MERTK: variants seen among roughly 807,000 people sequenced by gnomAD.
MERTK encodes tyrosine-protein kinase Mer.
A neutral mutation model predicts 99.3 loss-of-function variants in MERTK; 69 were observed. The ratio of observed to expected loss-of-function variants is 0.70; its 90% CI spans 0.57 to 0.85. The LOEUF is 0.85. Ranked by LOEUF, MERTK falls within the 40% of genes least tolerant of loss-of-function variation. The probability of loss-of-function intolerance (pLI) is 0.00; values close to 1 mark genes in which losing one functional copy is unlikely to be tolerated. For missense variants in MERTK, 1,125 were observed against 1,249.4 expected, an observed-to-expected ratio of 0.90 and a Z score of 1.50; for synonymous variants, 426 against 467.6, an observed-to-expected ratio of 0.91 and a Z score of 1.15.
chr2:111,989,018 T>A (rs1200918423), intron 8 of MERTK, among the ~76,000 whole-genome samples: 1 of 152,132 alleles, frequency 6.6e-6, no homozygotes, highest in Non-Finnish European at 1.5e-5. Flanking sequence ...AGATGCTGGG[T>A]AACTGCCGCA....
intron 1 of MERTK, among the ~76,000 whole-genome samples, chr2:111,923,504 G>C (rs1684503056): frequency 6.6e-6 from 1 of 152,190 alleles, no homozygotes; most frequent in Non-Finnish European, 1.5e-5. Flanking sequence ...GCTACTCTGG[G>C]ACCTGAGTGG....
intron 1 of MERTK, among the ~76,000 whole-genome samples, chr2:111,924,822 T>A (rs1255006634): frequency 6.6e-6 from 1 of 152,156 alleles, no homozygotes; most frequent in East Asian, 1.9e-4. Flanking sequence ...CCTTTGACCC[T>A]GGCAGCCCCA....
chr2:111,932,295 C>T (rs1684688051), intron 2 of MERTK, among the ~76,000 whole-genome samples: 1 of 152,162 alleles, frequency 6.6e-6, no homozygotes. Flanking sequence ...CATTCTCCTG[C>T]CTCAGCCTCC....
At chr2:111,950,697 T>TG (rs1236563000) in intron 4 of MERTK, among the ~76,000 whole-genome samples, 1 of 152,230 alleles carries the variant, frequency 6.6e-6, no homozygotes, top group Admixed American at 6.5e-5. Context: ...TGTCTCTTCT[T>TG]GTGCTTATTA....
At chr2:111,904,820 A>G (rs1183263481) in intron 1 of MERTK, among the ~76,000 whole-genome samples, 1 of 152,096 alleles carries the variant, frequency 6.6e-6, no homozygotes, top group African/African-American at 2.4e-5. Context: ...TCTTGTAGGA[A>G]ATGCAAAGGG....
chr2:111,913,123 A>G (rs1437889644), intron 1 of MERTK: 2 of 967,814 alleles, frequency 2.1e-6, no homozygotes, highest in Non-Finnish European at 2.5e-6. Flanking sequence ...GATATTGAAC[A>G]TAGATTTGTA....
Position 111,949,908 on chromosome 2 carries a change from C to T in MERTK, c.757+2341C>T, listed in dbSNP as rs1044695333. On this transcript the variant is annotated intron_variant, in intron 4 of 18. Coordinates refer to ENST00000295408, the MANE Select transcript of MERTK (RefSeq NM_006343.3). ...CAACATGATATCTTTGAGATTCATC[C>T]ATGATGTTTTATCACTAGTACATCA... Among the ~76,000 whole-genome samples, 5 of 152,142 alleles carry T rather than the reference C, an allele frequency of 3.3e-5. No homozygotes were observed. In the South Asian group the frequency reaches 1.0e-3, roughly 32 times the overall value.
chr2:111,905,554 A>G (rs1402455985), intron 1 of MERTK, among the ~76,000 whole-genome samples: 1 of 147,584 alleles, frequency 6.8e-6, no homozygotes, highest in African/African-American at 2.5e-5. Context: ...CCAGGGTTCA[A>G]CCTCCTGGGT....
intron 2 of MERTK, chr2:111,940,338 T>C: frequency 2.5e-5 from 13 of 514,330 alleles, no homozygotes; most frequent in South Asian, 2.0e-4. Flanking sequence ...GGTCTGTCCT[T>C]GCATCAGCAA....
At chr2:111,926,329 G>C (rs985262944) in intron 1 of MERTK, among the ~76,000 whole-genome samples, 1 of 152,162 alleles carries the variant, frequency 6.6e-6, no homozygotes, top group Non-Finnish European at 1.5e-5. Flanking sequence ...AAGTGATTTG[G>C]ATTAAACCCC....
chr2:111,898,674 C>T lies in MERTK; in HGVS notation c.-62C>T. ...CTGGCGCGCTTGGCCGGCGACAGGA[C>T]AGGTTCGGGACGTCCATCTGTCCAT... On this transcript the variant is annotated 5_prime_UTR_variant, in exon 1 of 19. Transcript: ENST00000295408. 3 of 1,560,254 alleles carry T rather than the reference C, an allele frequency of 1.9e-6. No individual in the cohort carries two copies. Among genetic ancestry groups the T allele is most frequent in the Non-Finnish European group, 2.6e-6 (3 of 1,147,888 alleles).
At chr2:112,025,650 G>T (rs1002702443) in intron 18 of MERTK, among the ~76,000 whole-genome samples, 9 of 152,206 alleles carry the variant, frequency 5.9e-5, no homozygotes, top group Non-Finnish European at 1.3e-4. Flanking sequence ...AAGCACAGCT[G>T]ATAGGAGATG....
intron 13 of MERTK, among the ~76,000 whole-genome samples, chr2:112,005,418 T>C (rs979558816): frequency 1.3e-5 from 2 of 152,212 alleles, no homozygotes; most frequent in Non-Finnish European, 2.9e-5. Context: ...CTGACTTGTC[T>C]AATTGAAATA....
chr2:111,903,202 A>C (rs1684077761), intron 1 of MERTK, among the ~76,000 whole-genome samples: 1 of 152,230 alleles, frequency 6.6e-6, no homozygotes, highest in Non-Finnish European at 1.5e-5. Flanking sequence ...CTCAGTGAGT[A>C]TCAGAGCACA....
chr2:111,978,751 A>C (rs1432305130), intron 7 of MERTK, among the ~76,000 whole-genome samples: 1 of 152,150 alleles, frequency 6.6e-6, no homozygotes, highest in Non-Finnish European at 1.5e-5. Context: ...ATAATGTTTG[A>C]TTGGATTACA....
intron 1 of MERTK, among the ~76,000 whole-genome samples, chr2:111,908,284 C>T (rs1684177014): frequency 6.6e-6 from 1 of 152,102 alleles, no homozygotes; most frequent in Non-Finnish European, 1.5e-5. Context: ...AAGGCCTTTC[C>T]CTTTTTACCA....
chr2:111,985,194 A>G (rs1293320144), intron 8 of MERTK, among the ~76,000 whole-genome samples: 1 of 152,216 alleles, frequency 6.6e-6, no homozygotes, highest in East Asian at 1.9e-4. Context: ...AGTCAAACCC[A>G]GAGGGACATT....
chr2:112,010,551 C>T (rs1677077784), intron 15 of MERTK, among the ~76,000 whole-genome samples: 1 of 152,130 alleles, frequency 6.6e-6, no homozygotes, highest in African/African-American at 2.4e-5. Context: ...ACTTACCCAC[C>T]ATGAGCACTG....
intron 9 of MERTK, among the ~76,000 whole-genome samples, chr2:111,995,628 A>T (rs1432917217): frequency 1.3e-5 from 2 of 152,066 alleles, no homozygotes; most frequent in African/African-American, 4.8e-5. Flanking sequence ...GGGAGGCAAG[A>T]TGTGTCTACC....
Sources: allele counts gnomAD v4.1 joint callset (sites outside exome capture counted in the v4.1 genomes callset), GRCh38; gene constraint gnomAD v4.1.1; transcripts MANE v1.5; gene names NCBI Gene and HGNC (gene_info 2026-07-23, HGNC 2026-07-21).